CTTNBP2: variants seen among roughly 807,000 people sequenced by gnomAD.
CTTNBP2 encodes cortactin-binding protein 2.
CTTNBP2 carries 108 observed loss-of-function variants against 156.9 expected under a neutral mutation model. That is an observed-to-expected ratio of 0.69 (90% CI 0.59 to 0.81). The LOEUF is 0.81. Ranked by LOEUF, CTTNBP2 falls within the 30% of genes least tolerant of loss-of-function variation. The pLI, the probability that CTTNBP2 is intolerant of heterozygous loss-of-function variation, is 0.00. For synonymous variants in CTTNBP2, 767 were observed against 751.8 expected, an observed-to-expected ratio of 1.02 and a Z score of -0.33; for missense variants, 1,924 against 2,035.4, an observed-to-expected ratio of 0.95 and a Z score of 1.05.
At chr7:117,737,184 C>T (rs1459460280) in intron 14 of CTTNBP2, among the ~76,000 whole-genome samples, 2 of 152,020 alleles carry the variant, frequency 1.3e-5, no homozygotes, top group Non-Finnish European at 2.9e-5. Flanking sequence ...GTAAAGAATG[C>T]TAAAATTCTA....
intron 8 of CTTNBP2, among the ~76,000 whole-genome samples, chr7:117,771,125 G>T (rs1390385683): frequency 6.6e-6 from 1 of 152,100 alleles, no homozygotes; most frequent in Non-Finnish European, 1.5e-5. Flanking sequence ...AGAGGGATCC[G>T]TTACTATGGA....
chr7:117,858,184 C>T (rs932957706), intron 2 of CTTNBP2, among the ~76,000 whole-genome samples: 1 of 152,190 alleles, frequency 6.6e-6, no homozygotes, highest in African/African-American at 2.4e-5. Context: ...TCCTGGCTAA[C>T]ACAGTGAAAC....
intron 1 of CTTNBP2, among the ~76,000 whole-genome samples, chr7:117,873,029 G>C (rs1262331745): frequency 6.6e-6 from 1 of 152,210 alleles, no homozygotes; most frequent in East Asian, 1.9e-4. Flanking sequence ...CCGCAGCGGA[G>C]GGAGTGGGCA....
intron 3 of CTTNBP2, among the ~76,000 whole-genome samples, chr7:117,796,791 T>A (rs866860012): frequency 1.8e-4 from 28 of 152,184 alleles, no homozygotes; most frequent in African/African-American, 6.5e-4. Context: ...ATATTAAACA[T>A]GTAGATGAAT....
At chr7:117,857,193 CAAACT>C (rs1803389731) in intron 2 of CTTNBP2, among the ~76,000 whole-genome samples, 1 of 152,046 alleles carries the variant, frequency 6.6e-6, no homozygotes, top group African/African-American at 2.4e-5. Flanking sequence ...GAATTGTTGA[CAAACT>C]AAATAATTCC....
At chr7:117,717,275 G>GAAATGTAATGCATGTTATGGAAAGTCA (rs1794457820) in intron 22 of CTTNBP2, among the ~76,000 whole-genome samples, 1 of 152,024 alleles carries the variant, frequency 6.6e-6, no homozygotes, top group Non-Finnish European at 1.5e-5. Context: ...AAGTCTCATT[G>GAAATGTAATGCATGTTATGGAAAGTCA]AAATGTAATG....
At chr7:117,847,576 A>T (rs1317509927) in intron 2 of CTTNBP2, among the ~76,000 whole-genome samples, 1 of 152,224 alleles carries the variant, frequency 6.6e-6, no homozygotes, top group Non-Finnish European at 1.5e-5. Flanking sequence ...TAGAGAAAAT[A>T]ACTAGCCAAA....
chr7:117,757,505 G>A (rs961392669), intron 11 of CTTNBP2, among the ~76,000 whole-genome samples: 5 of 134,422 alleles, frequency 3.7e-5, no homozygotes, highest in Admixed American at 1.6e-4. Context: ...CGTGATCATC[G>A]TATTAAGCAT....
At chr7:117,810,380 C>T (rs1800201455) in intron 3 of CTTNBP2, among the ~76,000 whole-genome samples, 1 of 152,130 alleles carries the variant, frequency 6.6e-6, no homozygotes, top group South Asian at 2.1e-4. Flanking sequence ...AAGCTAGATA[C>T]AGTAAGTTGG....
intron 2 of CTTNBP2, among the ~76,000 whole-genome samples, chr7:117,845,423 G>T (rs1170477833): frequency 6.6e-6 from 1 of 152,142 alleles, no homozygotes; most frequent in African/African-American, 2.4e-5. Flanking sequence ...TTAATGCAGA[G>T]AAAAATGGTT....
At chr7:117,723,901 C>T (rs1794942119) in intron 19 of CTTNBP2, among the ~76,000 whole-genome samples, 3 of 151,866 alleles carry the variant, frequency 2.0e-5, no homozygotes, top group Non-Finnish European at 4.4e-5. Context: ...TACAAGCATG[C>T]GCCACCATGC....
At chr7:117,720,844 C>T (rs1056109828) in intron 20 of CTTNBP2, among the ~76,000 whole-genome samples, 1 of 152,146 alleles carries the variant, frequency 6.6e-6, no homozygotes, top group African/African-American at 2.4e-5. Context: ...GCAAAATAGT[C>T]TTCATATTGC....
intron 2 of CTTNBP2, among the ~76,000 whole-genome samples, chr7:117,843,572 T>C (rs957155369): frequency 1.3e-5 from 2 of 152,148 alleles, no homozygotes; most frequent in South Asian, 2.1e-4. Flanking sequence ...ATAGGAATGA[T>C]GCTAAGAAGC....
chr7:117,811,640 A>C (rs1800285569), intron 2 of CTTNBP2, among the ~76,000 whole-genome samples: 1 of 152,112 alleles, frequency 6.6e-6, no homozygotes, highest in Admixed American at 6.5e-5. Context: ...AATTAAAATA[A>C]TTTTTAGCTA....
Position 117,724,551 on chromosome 7 carries a change from A to G in CTTNBP2, c.4443T>C (p.Thr1481=). The change falls in exon 19 of 23, where the codon ACT becomes ACC. Residue 1481 remains threonine, a synonymous_variant. Coordinates refer to ENST00000160373, the MANE Select transcript of CTTNBP2 (RefSeq NM_033427.3). ...LPTWNKPDLS[T]EGMKNKTISQ... ...ATGCCTACCCCCGCCCTTTACCTTC[A>G]GTGCTTAGGTCTGGCTTATTCCAGG... 1.2e-6 allele frequency: 2 copies of G among 1,609,630 alleles called. No individual in the cohort carries two copies. Among genetic ancestry groups the G allele is most frequent in the East Asian group, 4.5e-5 (2 of 44,774 alleles).
At chr7:117,859,856 T>C (rs986561625) in intron 2 of CTTNBP2, among the ~76,000 whole-genome samples, 2 of 152,220 alleles carry the variant, frequency 1.3e-5, no homozygotes, top group African/African-American at 4.8e-5. Flanking sequence ...ATCAAATTGA[T>C]GGATAATCAC....
At chr7:117,838,967 C>G (rs74302504) in intron 2 of CTTNBP2, among the ~76,000 whole-genome samples, 106 of 94,886 alleles carry the variant, frequency 1.1e-3, no homozygotes, top group African/African-American at 1.3e-3. Flanking sequence ...ATTGCGGGGG[C>G]GGGGGGGGGG....
chr7:117,721,535 T>C (rs1645579862), intron 19 of CTTNBP2, among the ~76,000 whole-genome samples: 1 of 152,262 alleles, frequency 6.6e-6, no homozygotes, highest in Non-Finnish European at 1.5e-5. Flanking sequence ...TTTCTCTACC[T>C]TTGTGTGCAT....
chr7:117,784,504 C>G (rs780929296), intron 4 of CTTNBP2, 50 bp from the exon 5 acceptor site: 3 of 1,317,244 alleles, frequency 2.3e-6, no homozygotes, highest in Non-Finnish European at 3.1e-6. Context: ...GGACAAGAGA[C>G]AGATATTACC....
Sources: gnomAD v4.1 joint callset for allele counts (sites outside exome capture counted in the v4.1 genomes callset) on GRCh38, gnomAD v4.1.1 for gene constraint, MANE v1.5 for transcripts, NCBI Gene and HGNC (gene_info 2026-07-23, HGNC 2026-07-21) for gene names.